ABCA3: variants seen among roughly 807,000 people sequenced by gnomAD.
ABCA3 encodes the protein ATP binding cassette subfamily A member 3, also known as phospholipid-transporting ATPase ABCA3.
A neutral mutation model predicts 172.8 loss-of-function variants in ABCA3; 88 were observed. The observed-to-expected ratio is 0.51, with a 90% CI of 0.43 to 0.61. The LOEUF is 0.61. Among genes scored for constraint, ABCA3 ranks in the 20% least tolerant of loss-of-function variants. ABCA3 has a pLI of 0.00. For synonymous variants in ABCA3, 1,066 were observed against 983.8 expected, an observed-to-expected ratio of 1.08 and a Z score of -1.56; for missense variants, 2,164 against 2,301.0, an observed-to-expected ratio of 0.94 and a Z score of 1.22.
In ABCA3 at chr16:2,308,430, T is replaced by G; in HGVS notation, c.1285+20A>C. On this transcript the variant is annotated intron_variant, in intron 11 of 32. Transcript: ENST00000301732. ...GGTTACTGATTCGGAAAGAACAGGC[T>G]GGACAAGGCAAACACTCACCTTTCG... 6.2e-7 allele frequency: 1 copy of G among 1,614,012 alleles called. No homozygotes were observed. Among genetic ancestry groups the G allele is most frequent in the African/African-American group, 1.3e-5 (1 of 75,058 alleles).
Position 2,308,482 on chromosome 16 carries a change from C to G in ABCA3, c.1253G>C (p.Gly418Ala). 1 of 1,614,214 alleles carries G rather than the reference C, an allele frequency of 6.2e-7. No individual in the cohort carries two copies. The highest frequency in any genetic ancestry group is 8.5e-7 in the Non-Finnish European group (1 of 1,180,026). The change falls in exon 11 of 33, where the codon GGA becomes GCA. Residue 418 changes from glycine to alanine, a missense_variant. Transcript: ENST00000301732. ...CTCAAATTTCCCAATGAGCTGGGCTCCCATTGCCATGGCGACATTAGACAG... is the reference window on the plus strand; with the variant it reads ...CTCAAATTTCCCAATGAGCTGGGCTGCCATTGCCATGGCGACATTAGACAG... ...CLLSNVAMAMGAQLIGKFEAK... is the reference protein window; with the variant it reads ...CLLSNVAMAMAAQLIGKFEAK...
intron 2 of ABCA3, among the ~76,000 whole-genome samples, 156 bp downstream of exon 2, chr16:2,329,492 G>A (rs1245606618): frequency 6.6e-5 from 10 of 152,200 alleles, no homozygotes; most frequent in Admixed American, 5.9e-4. Context: ...TCTGGTTAGA[G>A]GAACAGACAA....
chr16:2,303,264 C>CTT (rs61369735), intron 12 of ABCA3, among the ~76,000 whole-genome samples: 10 of 139,952 alleles, frequency 7.1e-5, no homozygotes, highest in Middle Eastern at 3.7e-3. Flanking sequence ...TTTTTTCTCT[C>CTT]TTTTTTTTTT....
intron 28 of ABCA3, 64 bp downstream of exon 28, chr16:2,280,963 C>T (rs1050037960): frequency 3.7e-6 from 6 of 1,605,956 alleles, no homozygotes; most frequent in Non-Finnish European, 5.1e-6. Flanking sequence ...CTGTCCCTGC[C>T]TCCAGGGTGC....
At chr16:2,303,097 C>A (rs2093692092) in intron 12 of ABCA3, among the ~76,000 whole-genome samples, 1 of 152,014 alleles carries the variant, frequency 6.6e-6, no homozygotes, top group Non-Finnish European at 1.5e-5. Flanking sequence ...CCACACCCGG[C>A]CTCCAATCAC....
intron 11 of ABCA3, 141 bp from the exon 12 acceptor site, chr16:2,304,291 T>TA: frequency 1.2e-6 from 1 of 860,446 alleles, no homozygotes; most frequent in Non-Finnish European, 1.9e-6. Context: ...TTCCCGGTTT[T>TA]ATAACAAGTT....
chr16:2,338,345 C>T (rs945638588), intron 1 of ABCA3, among the ~76,000 whole-genome samples: 1 of 152,236 alleles, frequency 6.6e-6, no homozygotes, highest in African/African-American at 2.4e-5. Flanking sequence ...CCTAGAATAT[C>T]ACCCGGATAC....
chr16:2,281,653 T>A lies in ABCA3; in HGVS notation c.4036-144A>T. The A allele has an allele frequency of 2.8e-5, 27 of 971,378 alleles. No individual in the cohort carries two copies. Among genetic ancestry groups the A allele is most frequent in the East Asian group, 5.3e-5 (2 of 38,046 alleles). The allele number at this position is 971,378 out of a possible 1,614,324, so 60.2% of individuals were successfully genotyped here. A position where few individuals can be genotyped will look rare whatever the true frequency, so the allele number is the denominator to read the frequency against. On this transcript the variant is annotated intron_variant, in intron 26 of 32. Coordinates refer to ENST00000301732, the MANE Select transcript of ABCA3 (RefSeq NM_001089.3). The surrounding 1 kb of genome is among the most constrained non-coding windows in gnomAD (Gnocchi z 4.7). ...TCGTCCCAATCTCAGGCCCCACAGGTGCGACTCAGACCTTTTACTAGAAGA... is the reference window on the plus strand; with the variant it reads ...TCGTCCCAATCTCAGGCCCCACAGGAGCGACTCAGACCTTTTACTAGAAGA...
intron 6 of ABCA3, 56 bp from the exon 7 acceptor site, chr16:2,323,744 C>CA: frequency 6.2e-7 from 1 of 1,607,946 alleles, no homozygotes; most frequent in South Asian, 1.1e-5. Context: ...GAGGGGCAAA[C>CA]AACAGGGTGG....
intron 10 of ABCA3, 103 bp from the exon 11 acceptor site, chr16:2,308,726 C>T: frequency 7.5e-7 from 1 of 1,341,848 alleles, no homozygotes; most frequent in Non-Finnish European, 1.0e-6. Context: ...GGCCGAGCCA[C>T]CCAACCTGCT....
Position 2,285,552 on chromosome 16 carries a change from C to T in ABCA3, c.3373G>A (p.Val1125Met), listed in dbSNP as rs139516979. Residue 1125 changes from valine to methionine, a missense_variant, in exon 23 of 33, where the codon GTG (valine) becomes ATG (methionine). Physicochemically the swap from Val to Met is conservative, Grantham distance 21. Coordinates refer to ENST00000301732, the MANE Select transcript of ABCA3 (RefSeq NM_001089.3). This position sits in a 1 kb window ranked among gnomAD's most constrained non-coding sequence, Gnocchi z 4.7. The part of the protein sequence containing the change: ...FSILAVSERA[V>M]QAKHVQFVSG... The stretch of plus-strand genomic sequence containing the variant: ...ACAAACTGCACATGCTTGGCCTGCA[C>T]GGCCCTCTCGCTGACCGCCAGGATG... 1.2e-4 allele frequency: 187 copies of T among 1,589,878 alleles called. No individual in the cohort carries two copies. The highest frequency in any genetic ancestry group is 3.3e-4 in the Middle Eastern group (2 of 6,050).
intron 10 of ABCA3, among the ~76,000 whole-genome samples, chr16:2,311,677 A>G (rs768622574): frequency 1.3e-5 from 2 of 152,158 alleles, no homozygotes; most frequent in Non-Finnish European, 2.9e-5. Context: ...ATCCGCCACC[A>G]TGCCCGACTA....
chr16:2,311,703 A>G (rs545112282), intron 10 of ABCA3, among the ~76,000 whole-genome samples: 1 of 151,808 alleles, frequency 6.6e-6, no homozygotes, highest in South Asian at 2.1e-4. Context: ...TGTATTTTTA[A>G]TAGAGACGGG....
rs757955175 is a variant in ABCA3 at position 2,284,442 on chromosome 16, G to A, written c.3704-5C>T. On this transcript the variant is annotated splice_region_variant and splice_polypyrimidine_tract_variant and intron_variant, in intron 24 of 32. Transcript: ENST00000301732. The surrounding 1 kb of genome is among the most constrained non-coding windows in gnomAD (Gnocchi z 5.9). ...AAAGTTCTTCCAGTTTTACAGCTGC[G>A]TTGGGGAGGTAAGATCAGTCTGCGC... 1.5e-5 allele frequency: 25 copies of A among 1,613,560 alleles called. 1 individual carries two copies. The highest frequency in any genetic ancestry group is 1.6e-4 in the Middle Eastern group (1 of 6,062).
At chr16:2,319,472 G>C (rs1226417340) in intron 8 of ABCA3, 109 bp downstream of exon 8, 52 of 1,395,020 alleles carry the variant, frequency 3.7e-5, no homozygotes, top group Non-Finnish European at 4.8e-5. Context: ...GCGACAGAGC[G>C]AGACTCCAAC....
chr16:2,301,528 G>A (rs1231087136), intron 12 of ABCA3, among the ~76,000 whole-genome samples: 3 of 152,042 alleles, frequency 2.0e-5, no homozygotes, highest in Admixed American at 2.0e-4. Flanking sequence ...CCAACATGGC[G>A]AAACCCCGTC....
chr16:2,332,761 C>T, intron 1 of ABCA3: 3 of 991,614 alleles, frequency 3.0e-6, no homozygotes, highest in Non-Finnish European at 4.6e-6. Context: ...TTGTGGTTTG[C>T]AGGTATTTTT....
At chr16:2,311,654 T>C (rs1057068307) in intron 10 of ABCA3, among the ~76,000 whole-genome samples, 1 of 152,184 alleles carries the variant, frequency 6.6e-6, no homozygotes, top group African/African-American at 2.4e-5. Flanking sequence ...CCTGAGTAGA[T>C]GGGATTACAG....
chr16:2,298,441 T>A lies in ABCA3; in HGVS notation c.1841A>T (p.His614Leu). Residue 614 changes from histidine (H) to leucine (L), a missense_variant, in exon 15 of 33, where the codon CAC becomes CTC. His to Leu is a moderately conservative substitution (Grantham distance 99). Coordinates refer to ENST00000301732, the MANE Select transcript of ABCA3 (RefSeq NM_001089.3). ...IRKSLGLCPQ[H>L]DILFDNLTVA... ...TGTCAAGTTGTCAAACAGGATGTCG[T>A]GCTGCGGGCACAGGCCCAGGCTCTT... 1 of 1,614,116 alleles carries A rather than the reference T, an allele frequency of 6.2e-7. No individual in the cohort carries two copies. Among genetic ancestry groups the A allele is most frequent in the Non-Finnish European group, 8.5e-7 (1 of 1,180,012 alleles).
Sources: allele counts gnomAD v4.1 joint callset (sites outside exome capture counted in the v4.1 genomes callset), GRCh38; gene constraint gnomAD v4.1.1; non-coding constraint Gnocchi (gnomAD v3.1); transcripts MANE v1.5; gene names NCBI Gene and HGNC (gene_info 2026-07-23, HGNC 2026-07-21).